The following BRF1 variants were observed in gnomAD, a reference collection of about 807,000 sequenced individuals.
BRF1 encodes transcription factor IIIB 90 kDa subunit.
BRF1 carries 59 observed loss-of-function variants against 81.7 expected under a neutral mutation model. That is an observed-to-expected ratio of 0.72 (90% CI 0.59 to 0.90). The LOEUF is 0.90. BRF1 is among the 40% of genes least tolerant of loss of function. BRF1 has a pLI of 0.00. For missense variants in BRF1, 1,050 were observed against 936.3 expected (o/e 1.12, Z -1.58); for synonymous variants, 491 against 395.6 (o/e 1.24, Z -2.86).
chr14:105,313,678 G>A (rs1210762836), intron 1 of BRF1, among the ~76,000 whole-genome samples: 1 of 152,252 alleles, frequency 6.6e-6, no homozygotes, highest in Admixed American at 6.5e-5. Context: ...CAATTTGCTC[G>A]GGCTGGATTT....
intron 1 of BRF1, among the ~76,000 whole-genome samples, chr14:105,310,533 CAAAAAAAAA>C (rs764203821): frequency 1.3e-5 from 1 of 79,726 alleles, no homozygotes; most frequent in African/African-American, 5.2e-5. Context: ...GACTCTGTCT[CAAAAAAAAA>C]AAAAAAAAAA....
intron 2 of BRF1, among the ~76,000 whole-genome samples, chr14:105,278,774 G>A (rs2056949347): frequency 6.6e-6 from 1 of 152,086 alleles, no homozygotes; most frequent in African/African-American, 2.4e-5. Context: ...GCCGTGCGCA[G>A]TGGCTCATGC....
At chr14:105,296,080 CAAA>C (rs58030113) in intron 1 of BRF1, among the ~76,000 whole-genome samples, 1 of 56,918 alleles carries the variant, frequency 1.8e-5, no homozygotes. Flanking sequence ...CACTCTATCT[CAAA>C]AAAAAAAAAA....
rs773768880 is a variant in BRF1 at position 105,226,671 on chromosome 14, G to A, written c.878C>T (p.Ser293Leu). The change falls in exon 8 of 18, where the codon TCG (serine) becomes TTG (leucine). Residue 293 changes from serine to leucine, a missense_variant. Physicochemically the swap from Ser to Leu is moderately radical, Grantham distance 145. This residue lies in a region of BRF1 where 1,043 missense variants were observed against 915.4 expected (regional missense o/e 1.14). Coordinates refer to ENST00000547530, the MANE Select transcript of BRF1 (RefSeq NM_001519.4). ...IDLEEECDPP[S>L]YTAGQRKLRM... is the part of the protein sequence containing the mutation. ...CAGCTTCCTCTGCCCAGCTGTGTAC[G>A]AGGGGGGGTCGCACTCCTCCTCCAG... 5 of 1,613,392 alleles carry A rather than the reference G, an allele frequency of 3.1e-6. No homozygotes were observed. The highest frequency in any genetic ancestry group is 4.2e-6 in the Non-Finnish European group (5 of 1,180,042).
intron 6 of BRF1, among the ~76,000 whole-genome samples, chr14:105,229,343 A>G (rs587760206): frequency 6.6e-6 from 1 of 152,336 alleles, no homozygotes; most frequent in South Asian, 2.1e-4. Flanking sequence ...CAGAACCTCC[A>G]GTGCAAACAT....
intron 1 of BRF1, among the ~76,000 whole-genome samples, chr14:105,311,103 C>T (rs1400418811): frequency 6.6e-6 from 1 of 152,082 alleles, no homozygotes; most frequent in East Asian, 1.9e-4. Flanking sequence ...CAGGCGCGCA[C>T]CATCATGCCC....
intron 2 of BRF1, among the ~76,000 whole-genome samples, chr14:105,282,071 G>A (rs1283701675): frequency 1.3e-5 from 2 of 152,208 alleles, no homozygotes; most frequent in Non-Finnish European, 2.9e-5. Flanking sequence ...CAAAAGGCCT[G>A]AGATTTTAAA....
chr14:105,270,989 G>A (rs2056628765), intron 3 of BRF1, among the ~76,000 whole-genome samples: 1 of 151,988 alleles, frequency 6.6e-6, no homozygotes, highest in African/African-American at 2.4e-5. Context: ...AACAGACCAA[G>A]ACAGAAAAGA....
In BRF1 at chr14:105,209,527, G is replaced by A; in HGVS notation, c.*1024C>T. ...CCACCCCCTCCTAAGGACACAGGGT[G>A]AAGCCCCCTCGGCCACATCCGGGGC... On this transcript the variant is annotated 3_prime_UTR_variant, in exon 18 of 18. Transcript: ENST00000547530. 6 of 702,588 alleles carry A rather than the reference G, an allele frequency of 8.5e-6. No homozygotes were observed. Among genetic ancestry groups the A allele is most frequent in the Non-Finnish European group, 1.3e-5 (5 of 384,866 alleles). The allele number at this position is 702,588 out of a possible 1,614,324, so 43.5% of individuals were successfully genotyped here. A position where few individuals can be genotyped will look rare whatever the true frequency, so the allele number is the denominator to read the frequency against.
At position 105,214,548 on chromosome 14, in the gene BRF1, T is replaced by TGCGTGGCTCAGCTGCCCACACCC. The variant is rs796216472; in HGVS notation, c.1773-2385_1773-2384insGGGTGTGGGCAGCTGAGCCACGC. ...TGCGTGGCTCAGCTGCCCACACCCC[T>TGCGTGGCTCAGCTGCCCACACCC]GAGTGGCCCAGCTCAGGTTCTGCAG... On this transcript the variant is annotated intron_variant, in intron 15 of 17. Transcript: ENST00000547530. 5.6e-3 allele frequency among the ~76,000 whole-genome samples: 398 copies of TGCGTGGCTCAGCTGCCCACACCC among 70,736 alleles called. 26 individuals are homozygous for TGCGTGGCTCAGCTGCCCACACCC. Among genetic ancestry groups the TGCGTGGCTCAGCTGCCCACACCC allele is most frequent in the African/African-American group, 0.043 (337 of 7,820 alleles). The allele number at this position is 70,736 out of a possible 152,430, so 46.4% of individuals were successfully genotyped here.
At chr14:105,257,624 G>A (rs982571807) in intron 3 of BRF1, among the ~76,000 whole-genome samples, 1 of 152,218 alleles carries the variant, frequency 6.6e-6, no homozygotes, top group Non-Finnish European at 1.5e-5. Context: ...GAGACAACGG[G>A]CAGGACCGAC....
At position 105,247,851 on chromosome 14, in the gene BRF1, G is replaced by C. The variant is rs2055227993; in HGVS notation, c.544+4656C>G. 6 of 985,556 alleles carry C rather than the reference G, an allele frequency of 6.1e-6. No individual in the cohort carries two copies. The South Asian group carries it at 2.3e-4, about 39-fold the overall frequency. The allele number at this position is 985,556 out of a possible 1,614,324, so 61.1% of individuals were successfully genotyped here. ...CAGGTGACACGGCCTCTGAAGTCTG[G>C]TCTCCTCATCAGCAAAGCCAGTGCC... On this transcript the variant is annotated intron_variant, in intron 5 of 17. Coordinates refer to ENST00000547530, the MANE Select transcript of BRF1 (RefSeq NM_001519.4).
chr14:105,227,755 C>A (rs186026234), intron 7 of BRF1: 2 of 152,258 alleles, frequency 1.3e-5, no homozygotes. Context: ...CGCCTCTACA[C>A]GCTACACAAC....
rs587646414 is a variant in BRF1, at chr14:105,248,608, G to C, written c.544+3899C>G. On this transcript the variant is annotated intron_variant, in intron 5 of 17. Coordinates refer to ENST00000547530, the MANE Select transcript of BRF1 (RefSeq NM_001519.4). ...GGGCGGGACGGCGCCCCCCGCGGCC[G>C]GGCCTGGCCGGGCTGCGCTAGGCTG... 1.0e-4 allele frequency: 100 copies of C among 975,210 alleles called. No homozygotes were observed. The African/African-American group carries it at 1.4e-3, about 13-fold the overall frequency. The allele number at this position is 975,210 out of a possible 1,614,324, so 60.4% of individuals were successfully genotyped here.
chr14:105,226,019 C>G (rs753294085), intron 10 of BRF1, 50 bp downstream of exon 10: 76 of 1,508,178 alleles, frequency 5.0e-5, no homozygotes, highest in Non-Finnish European at 6.3e-5. Flanking sequence ...TCTGCTGAGA[C>G]TCTAGCACAT....
At chr14:105,226,001 T>C in intron 10 of BRF1, 68 bp downstream of exon 10, 1 of 1,438,990 alleles carries the variant, frequency 6.9e-7, no homozygotes, top group African/African-American at 1.4e-5. Context: ...TTTCTGATCC[T>C]GAAGAGATCT....
At chr14:105,247,184 T>C in intron 5 of BRF1, 1 of 985,432 alleles carries the variant, frequency 1.0e-6, no homozygotes, top group South Asian at 4.7e-5. Context: ...GGTGGGTGTG[T>C]CCTTGGCGGG....
intron 5 of BRF1, chr14:105,247,732 G>T (rs771299023): frequency 1.0e-6 from 1 of 985,506 alleles, no homozygotes; most frequent in Non-Finnish European, 1.2e-6. Context: ...AGGAGGTTGC[G>T]TGTGTGTCCT....
At chr14:105,226,914 G>A (rs918106793) in intron 7 of BRF1, 154 bp from the exon 8 acceptor site, 9 of 1,060,120 alleles carry the variant, frequency 8.5e-6, no homozygotes, top group Non-Finnish European at 1.2e-5. Context: ...TTTGAGACCA[G>A]CCTAGGCAAC....
Sources: gnomAD v4.1 joint callset for allele counts (sites outside exome capture counted in the v4.1 genomes callset) on GRCh38, gnomAD v4.1.1 for gene constraint, gnomAD v4.1.1 regional missense constraint, MANE v1.5 for transcripts, NCBI Gene and HGNC (gene_info 2026-07-23, HGNC 2026-07-21) for gene names.